Variants in FAM193A observed in about 807,000 individuals in gnomAD.
FAM193A encodes the protein family with sequence similarity 193 member A.
Under a neutral mutation model 126.5 loss-of-function variants are expected in FAM193A, and 22 were observed. That is an observed-to-expected ratio of 0.17 (90% CI 0.12 to 0.25). The LOEUF (loss-of-function observed/expected upper bound fraction) is 0.25, where lower values mean the gene tolerates loss of function less well. Ranked by LOEUF, FAM193A falls within the 10% of genes least tolerant of loss-of-function variation. FAM193A has a pLI of 1.00. For synonymous variants in FAM193A, 761 were observed against 646.8 expected (o/e 1.18, Z -2.68); for missense variants, 1,675 against 1,672.8 (o/e 1.00, Z -0.02).
intron 20 of FAM193A, among the ~76,000 whole-genome samples, chr4:2,725,355 G>A (rs961231019): frequency 2.0e-5 from 3 of 151,132 alleles, no homozygotes; most frequent in African/African-American, 4.9e-5. Flanking sequence ...AGCTCAGGTT[G>A]GGGAGGGTCG....
intron 20 of FAM193A, among the ~76,000 whole-genome samples, chr4:2,728,935 A>C (rs1452044653): frequency 7.2e-6 from 1 of 138,414 alleles, no homozygotes; most frequent in East Asian, 2.0e-4. Flanking sequence ...TGGGAGCACA[A>C]AGTCTGGTTC....
At chr4:2,571,089 T>C (rs1236576884) in intron 1 of FAM193A, among the ~76,000 whole-genome samples, 2 of 152,200 alleles carry the variant, frequency 1.3e-5, no homozygotes, top group Non-Finnish European at 2.9e-5. Context: ...ACCTTACCCA[T>C]AGGCTCTGCT....
intron 2 of FAM193A, among the ~76,000 whole-genome samples, chr4:2,617,620 C>G (rs1238210405): frequency 6.6e-6 from 1 of 151,856 alleles, no homozygotes; most frequent in African/African-American, 2.4e-5. Flanking sequence ...ACCTGTATTT[C>G]TTTTTCTTTG....
intron 2 of FAM193A, among the ~76,000 whole-genome samples, chr4:2,624,957 A>G (rs1212755554): frequency 6.6e-6 from 1 of 152,172 alleles, no homozygotes; most frequent in African/African-American, 2.4e-5. Flanking sequence ...TCCCAGGCTC[A>G]AGTGATCCTG....
intron 1 of FAM193A, among the ~76,000 whole-genome samples, chr4:2,593,426 T>C (rs1245547215): frequency 1.3e-5 from 2 of 152,120 alleles, no homozygotes; most frequent in African/African-American, 4.8e-5. Context: ...GCTTCGGGGG[T>C]CTCCTCAAGG....
At chr4:2,595,769 G>A (rs1238959324) in intron 1 of FAM193A, among the ~76,000 whole-genome samples, 1 of 152,230 alleles carries the variant, frequency 6.6e-6, no homozygotes, top group African/African-American at 2.4e-5. Context: ...GTGGTAACCA[G>A]TTCTGGTAAA....
intron 19 of FAM193A, among the ~76,000 whole-genome samples, chr4:2,703,801 T>TAAAAAAAAAAAAAAAAAAAAAA (rs34569439): frequency 7.7e-6 from 1 of 129,084 alleles, no homozygotes; most frequent in South Asian, 2.5e-4. Flanking sequence ...CCATCTCTAC[T>TAAAAAAAAAAAAAAAAAAAAAA]AAAAAAAAAA....
At chr4:2,545,616 A>T (rs553896993) in intron 1 of FAM193A, among the ~76,000 whole-genome samples, 1 of 152,138 alleles carries the variant, frequency 6.6e-6, no homozygotes, top group Admixed American at 6.6e-5. Context: ...GTACTGCCTG[A>T]TAGTTTTCCT....
At chr4:2,576,948 A>G (rs1338019773) in intron 1 of FAM193A, among the ~76,000 whole-genome samples, 11 of 152,198 alleles carry the variant, frequency 7.2e-5, no homozygotes, top group Non-Finnish European at 1.5e-4. Flanking sequence ...CAGTCTTTGT[A>G]GTTTAGAGCC....
intron 1 of FAM193A, among the ~76,000 whole-genome samples, chr4:2,568,119 A>T (rs191037823): frequency 1.3e-5 from 2 of 152,086 alleles, no homozygotes; most frequent in African/African-American, 4.8e-5. Flanking sequence ...CACAGCAGCA[A>T]CTTCTCTAGT....
At chr4:2,621,831 G>A (rs1379228319) in intron 2 of FAM193A, among the ~76,000 whole-genome samples, 9 of 152,108 alleles carry the variant, frequency 5.9e-5, no homozygotes. Context: ...ACTCGCTTAG[G>A]GAACAGCCTC....
At chr4:2,657,665 G>T in intron 7 of FAM193A, 138 bp from the exon 8 acceptor site, 1 of 596,172 alleles carries the variant, frequency 1.7e-6, no homozygotes, top group South Asian at 2.3e-5. Context: ...TTGTAGTATT[G>T]TATCTTTATT....
upstream of FAM193A, chr4:2,536,553 G>T (rs1736880247): frequency 6.7e-6 from 1 of 149,154 alleles, no homozygotes; most frequent in African/African-American, 2.4e-5. Flanking sequence ...AGCAGAGCCG[G>T]GGGGCGGAGT....
intron 1 of FAM193A, among the ~76,000 whole-genome samples, chr4:2,586,979 T>C (rs1740275021): frequency 6.6e-6 from 1 of 152,182 alleles, no homozygotes; most frequent in Non-Finnish European, 1.5e-5. Flanking sequence ...TAAGCCTTAA[T>C]AGGCGTTCTG....
At chr4:2,614,993 C>G (rs1404033164) in intron 2 of FAM193A, 2 of 152,108 alleles carry the variant, frequency 1.3e-5, no homozygotes, top group African/African-American at 2.4e-5. Context: ...TCCCCTAAGA[C>G]TGGCTAGATA....
chr4:2,719,517 G>A (rs1281191554), intron 20 of FAM193A, among the ~76,000 whole-genome samples: 3 of 152,062 alleles, frequency 2.0e-5, no homozygotes, highest in Admixed American at 1.3e-4. Flanking sequence ...AGGCCCAGGC[G>A]GGCGGATCAC....
At chr4:2,696,029 A>AAAATAAATAAATAAAT (rs4040736) in intron 17 of FAM193A, among the ~76,000 whole-genome samples, 32 of 150,270 alleles carry the variant, frequency 2.1e-4, no homozygotes, top group African/African-American at 6.6e-4. Flanking sequence ...CCTTGTCTCA[A>AAAATAAATAAATAAAT]AAATAAATAA....
chr4:2,690,379 G>C (rs1049650916), intron 14 of FAM193A, among the ~76,000 whole-genome samples: 3 of 152,202 alleles, frequency 2.0e-5, no homozygotes, highest in Non-Finnish European at 4.4e-5. Context: ...CTAGCTGTGT[G>C]ACCTTGGGCA....
chr4:2,723,317 G>T (rs1168203026), intron 20 of FAM193A, among the ~76,000 whole-genome samples: 2 of 147,428 alleles, frequency 1.4e-5, no homozygotes, highest in East Asian at 4.1e-4. Context: ...GGTGGCTCAT[G>T]CCTGTAATCC....
Sources: allele counts gnomAD v4.1 joint callset (sites outside exome capture counted in the v4.1 genomes callset), GRCh38; gene constraint gnomAD v4.1.1; transcripts MANE v1.5; gene names NCBI Gene and HGNC (gene_info 2026-07-23, HGNC 2026-07-21).